ESPN: variants seen among roughly 807,000 people sequenced by gnomAD.
ESPN encodes espin, also known as autosomal recessive deafness type 36 protein.
A neutral mutation model predicts 77.7 loss-of-function variants in ESPN; 68 were observed. The ratio of observed to expected loss-of-function variants is 0.87; its 90% CI spans 0.72 to 1.07. The LOEUF is 1.07. ESPN is among the 50% of genes least tolerant of loss of function. ESPN has a pLI of 0.00. For synonymous variants in ESPN, 449 were observed against 567.1 expected (o/e 0.79, Z 2.96); for missense variants, 1,060 against 1,239.0 (o/e 0.86, Z 2.17).
rs1277637745 is a variant in ESPN at position 6,428,567 on chromosome 1, G to T, written c.488+148G>T. The stretch of plus-strand genomic sequence containing the variant: ...GCCAGAGGGCCAGGCCAGAGAAATG[G>T]CTCCCACTCAACATGAAATTTTCCC... On this transcript the variant is annotated intron_variant, in intron 2 of 12. Transcript: ENST00000645284. The surrounding 1 kb of genome is among the most constrained non-coding windows in gnomAD (Gnocchi z 5.4). 3 of 725,190 alleles carry T rather than the reference G, an allele frequency of 4.1e-6. No individual in the cohort carries two copies. The highest frequency in any genetic ancestry group is 6.7e-6 in the Non-Finnish European group (3 of 447,106). 44.9% of individuals were successfully genotyped at this position (725,190 alleles called of 1,614,324 possible). A position where few individuals can be genotyped will look rare whatever the true frequency, so the allele number is the denominator to read the frequency against.
rs752185152 is a variant in ESPN, at chr1:6,448,665, G to A, written c.1489G>A (p.Gly497Arg). The A allele has an allele frequency of 1.1e-4, 165 of 1,560,526 alleles. 1 individual carries two copies. Among genetic ancestry groups the A allele is most frequent in the Admixed American group, 2.3e-4 (13 of 55,636 alleles). Residue 497 changes from glycine (G) to arginine (R), a missense_variant, in exon 8 of 13, where the codon GGG becomes AGG. Around this residue, in one of 3 missense-constraint regions of ESPN, gnomAD observed 130 missense variants for 223.9 expected, o/e 0.58. Coordinates refer to ENST00000645284, the MANE Select transcript of ESPN (RefSeq NM_031475.3). Reference sequence around the variant, plus strand: ...GCTGAGCTCCTGTGACGGCCACGACGGGCTGCGGAGGCAGGACTCCAGCCG... The same window carrying A: ...GCTGAGCTCCTGTGACGGCCACGACAGGCTGCGGAGGCAGGACTCCAGCCG... ...KELSSCDGHD[G>R]LRRQDSSRKP...
chr1:6,436,765 C>T (rs1396772763), intron 2 of ESPN, among the ~76,000 whole-genome samples: 4 of 152,116 alleles, frequency 2.6e-5, no homozygotes, highest in East Asian at 1.9e-4. Context: ...CTTTGGCCTC[C>T]GAAGGTGCTT....
At chr1:6,443,392 C>T (rs1643716927) in intron 5 of ESPN, among the ~76,000 whole-genome samples, 1 of 152,246 alleles carries the variant, frequency 6.6e-6, no homozygotes, top group South Asian at 2.1e-4. Context: ...TGCAGTACAC[C>T]TGCTGTGGCC....
chr1:6,459,025 G>A (rs1368947283), intron 12 of ESPN, among the ~76,000 whole-genome samples: 6 of 151,922 alleles, frequency 3.9e-5, no homozygotes, highest in Non-Finnish European at 1.5e-5. Context: ...ATGATCACCT[G>A]AGGTCAGGAG....
intron 5 of ESPN, 98 bp downstream of exon 5, chr1:6,441,163 T>C: frequency 6.6e-7 from 1 of 1,515,444 alleles, no homozygotes; most frequent in South Asian, 1.2e-5. Context: ...GAAGCTGAGG[T>C]TCAGGGACGT....
At chr1:6,461,055 A>C, downstream of ESPN, 1 of 458,052 alleles carries the variant, frequency 2.2e-6, no homozygotes, top group South Asian at 1.7e-5. The surrounding 1 kb of genome is among the most constrained non-coding windows in gnomAD (Gnocchi z 6.3). Flanking sequence ...CATGGGTGCC[A>C]GATCCCGGGG....
At chr1:6,461,159 T>G, downstream of ESPN, 1 of 673,696 alleles carries the variant, frequency 1.5e-6, no homozygotes, top group Non-Finnish European at 2.8e-6. The surrounding 1 kb of genome is among the most constrained non-coding windows in gnomAD (Gnocchi z 6.3). Flanking sequence ...CGTTTTTGTT[T>G]TGTTTTGTTT....
In ESPN at chr1:6,447,283, C is replaced by G. The variant is rs533436917; in HGVS notation, c.1464+1348C>G. ...TGGGCCGCAGGCGCCAGGGCCGGGG[C>G]CCGGACGCTCCACAAAGGGCTCTTT... On this transcript the variant is annotated intron_variant, in intron 7 of 12. Transcript: ENST00000645284. The surrounding 1 kb of genome is among the most constrained non-coding windows in gnomAD (Gnocchi z 5.2). 2.6e-5 allele frequency: 4 copies of G among 152,266 alleles called. No individual in the cohort carries two copies. Among genetic ancestry groups the G allele is most frequent in the Non-Finnish European group, 5.9e-5 (4 of 68,100 alleles). 9.4% of individuals were successfully genotyped at this position (152,266 alleles called of 1,614,324 possible).
rs1472889621 is a variant in ESPN at position 6,449,091 on chromosome 1, A to G, written c.1915A>G (p.Ser639Gly). 4.0e-6 allele frequency: 6 copies of G among 1,483,254 alleles called. No individual in the cohort carries two copies. Among genetic ancestry groups the G allele is most frequent in the Non-Finnish European group, 5.3e-6 (6 of 1,123,608 alleles). 91.9% of individuals were successfully genotyped at this position (1,483,254 alleles called of 1,614,324 possible). A position where few individuals can be genotyped will look rare whatever the true frequency, so the allele number is the denominator to read the frequency against. Residue 639 changes from serine (S) to glycine (G), a missense_variant and splice_region_variant, in exon 8 of 13, where the codon AGC (serine) becomes GGC (glycine). By Grantham distance (56) the Ser-to-Gly change is moderately conservative. Coordinates refer to ENST00000645284, the MANE Select transcript of ESPN (RefSeq NM_031475.3). Reference sequence around the variant, plus strand: ...GCGCCGCTCCTCCTCGTCCACCGGCAGTGAGTAGGGGCAGGTTGAGGGGCG... The same window carrying G: ...GCGCCGCTCCTCCTCGTCCACCGGCGGTGAGTAGGGGCAGGTTGAGGGGCG... ...GQRRSSSSTG[S>G]TKSFNMMSPT...
chr1:6,444,415 C>G, intron 5 of ESPN, 66 bp from the exon 6 acceptor site: 1 of 1,536,162 alleles, frequency 6.5e-7, no homozygotes, highest in Non-Finnish European at 9.0e-7. Flanking sequence ...TGAGTAGGAC[C>G]CTGGCCTGGA....
chr1:6,429,177 G>A (rs1363597327), intron 2 of ESPN, among the ~76,000 whole-genome samples: 2 of 152,024 alleles, frequency 1.3e-5, no homozygotes, highest in African/African-American at 4.8e-5. Flanking sequence ...CCCAGGGCCT[G>A]TCTGAGAGGG....
At position 6,440,557 on chromosome 1, in the gene ESPN, T is replaced by C. The variant is rs1476727599; in HGVS notation, c.676-69T>C. On this transcript the variant is annotated intron_variant, in intron 3 of 12. Coordinates refer to ENST00000645284, the MANE Select transcript of ESPN (RefSeq NM_031475.3). The stretch of plus-strand genomic sequence containing the variant: ...GGGGGGCGGGGGCGGGCCACGGAGG[T>C]ACAGGGGGCGGGCCTACAGGGGCCT... 2.0e-5 allele frequency: 12 copies of C among 609,780 alleles called. 1 individual carries two copies. The highest frequency in any genetic ancestry group is 4.9e-4 in the Middle Eastern group (1 of 2,040). The allele number at this position is 609,780 out of a possible 1,614,324, so 37.8% of individuals were successfully genotyped here.
chr1:6,455,153 C>A, intron 10 of ESPN: 1 of 388,496 alleles, frequency 2.6e-6, no homozygotes, highest in Non-Finnish European at 4.6e-6. Flanking sequence ...CCCTGGGCAC[C>A]CTGGGCCCGC....
In ESPN at chr1:6,447,686, C is replaced by T. The variant is rs1643874887; in HGVS notation, c.1465-955C>T. ...GAGGCTTGAGCGCGGGTGTCGGTGTCGCTTTCGTGGATGGCGATGGTTTCC... is the reference window on the plus strand; with the variant it reads ...GAGGCTTGAGCGCGGGTGTCGGTGTTGCTTTCGTGGATGGCGATGGTTTCC... On this transcript the variant is annotated intron_variant, in intron 7 of 12. Coordinates refer to ENST00000645284, the MANE Select transcript of ESPN (RefSeq NM_031475.3). This position sits in a 1 kb window ranked among gnomAD's most constrained non-coding sequence, Gnocchi z 5.2. Among the ~76,000 whole-genome samples, 1 of 152,180 alleles carries T rather than the reference C, an allele frequency of 6.6e-6. No individual in the cohort carries two copies. Among genetic ancestry groups the T allele is most frequent in the Non-Finnish European group, 1.5e-5 (1 of 68,028 alleles).
intron 2 of ESPN, among the ~76,000 whole-genome samples, chr1:6,434,423 T>G (rs1343220072): frequency 6.6e-6 from 1 of 152,212 alleles, no homozygotes; most frequent in Non-Finnish European, 1.5e-5. Flanking sequence ...CGGCTCTGTA[T>G]GCCCAGAGCC....
chr1:6,456,656 A>G, intron 10 of ESPN: 1 of 216,558 alleles, frequency 4.6e-6, no homozygotes, highest in Non-Finnish European at 9.2e-6. Flanking sequence ...CAGGAAATAA[A>G]ACTCTTTGCT....
At chr1:6,454,623 C>G (rs1644016100) in intron 10 of ESPN, 1 of 398,952 alleles carries the variant, frequency 2.5e-6, no homozygotes, top group East Asian at 3.6e-5. Context: ...GCAACTGGAG[C>G]TGGAGCTGGA....
In ESPN at chr1:6,444,511, C is replaced by T. The variant is rs756087457; in HGVS notation, c.1021C>T (p.Pro341Ser). The change falls in exon 6 of 13, where the codon CCA becomes TCA. Residue 341 changes from proline to serine, a missense_variant. By Grantham distance (74) the Pro-to-Ser change is moderately conservative. Around this residue, in one of 3 missense-constraint regions of ESPN, gnomAD observed 556 missense variants for 633.6 expected, o/e 0.88. Coordinates refer to ENST00000645284, the MANE Select transcript of ESPN (RefSeq NM_031475.3). Reference sequence around the variant, plus strand: ...GGAGCACCGCGTGCTTTCCCGGGATCCATCCGCAGAGCTGGAGGCTAAGCA... The same window carrying T: ...GGAGCACCGCGTGCTTTCCCGGGATTCATCCGCAGAGCTGGAGGCTAAGCA... ...SVEHRVLSRD[P>S]SAELEAKQPD... The T allele has an allele frequency of 1.2e-6, 2 of 1,614,228 alleles. No homozygotes were observed. The highest frequency in any genetic ancestry group is 1.7e-6 in the Non-Finnish European group (2 of 1,180,036).
At position 6,440,819 on chromosome 1, in the gene ESPN, G is replaced by T. The variant is rs768433856; in HGVS notation, c.858+11G>T. On this transcript the variant is annotated intron_variant, in intron 4 of 12. Transcript: ENST00000645284. ...AACGGGGAGCTAGAGGTCAGCGCGG[G>T]CCCGGGGTGGGGGCGCGCGCCCTCT... The T allele has an allele frequency of 1.7e-3, 2,536 of 1,468,610 alleles. 24 individuals are homozygous for T. Among genetic ancestry groups the T allele is most frequent in the Middle Eastern group, 0.016 (65 of 4,078 alleles). 91.0% of individuals were successfully genotyped at this position (1,468,610 alleles called of 1,614,324 possible). A position where few individuals can be genotyped will look rare whatever the true frequency, so the allele number is the denominator to read the frequency against.
Sources: allele counts gnomAD v4.1 joint callset (sites outside exome capture counted in the v4.1 genomes callset), GRCh38; gene constraint gnomAD v4.1.1; regional missense constraint gnomAD v4.1.1; non-coding constraint Gnocchi (gnomAD v3.1); transcripts MANE v1.5; gene names NCBI Gene and HGNC (gene_info 2026-07-23, HGNC 2026-07-21).